The following CSMD1 variants were observed in gnomAD, a reference collection of about 807,000 sequenced individuals.
CSMD1 encodes CUB and sushi domain-containing protein 1.
A neutral mutation model predicts 417.5 loss-of-function variants in CSMD1; 213 were observed. That is an observed-to-expected ratio of 0.51 (90% CI 0.46 to 0.57). The LOEUF (loss-of-function observed/expected upper bound fraction) is 0.57. Among genes scored for constraint, CSMD1 ranks in the 20% least tolerant of loss-of-function variants. The pLI, the probability that CSMD1 is intolerant of heterozygous loss-of-function variation, is 0.00. For synonymous variants in CSMD1, 2,862 were observed against 1,736.8 expected, an observed-to-expected ratio of 1.65 and a Z score of -16.11; for missense variants, 6,923 against 4,529.7, an observed-to-expected ratio of 1.53 and a Z score of -15.17.
Position 4,031,937 on chromosome 8 carries a change from G to C in CSMD1, c.578C>G (p.Ala193Gly). The C allele has an allele frequency of 6.2e-7, 1 of 1,613,856 alleles. No homozygotes were observed. The highest frequency in any genetic ancestry group is 1.3e-5 in the African/African-American group (1 of 75,022). ...LTCIVSPGNG[A>G]SWDFPAPFCR... is the part of the protein sequence containing the mutation. ...AAAGGGAGCTGGGAAGTCCCACGAT[G>C]CACCATTTCCTGGGCTGACGATGCA... Residue 193 changes from alanine (A) to glycine (G), a missense_variant, in exon 4 of 70, where the codon GCA becomes GGA. Coordinates refer to ENST00000635120, the MANE Select transcript of CSMD1 (RefSeq NM_033225.6).
intron 7 of CSMD1, among the ~76,000 whole-genome samples, chr8:3,621,633 C>A (rs1796246877): frequency 6.6e-6 from 1 of 151,918 alleles, no homozygotes; most frequent in African/African-American, 2.4e-5. Context: ...TGTTCTGTTG[C>A]CCAGGCTGCA....
intron 1 of CSMD1, among the ~76,000 whole-genome samples, chr8:4,960,058 G>A (rs1213790376): frequency 6.6e-6 from 1 of 152,126 alleles, no homozygotes; most frequent in Non-Finnish European, 1.5e-5. Flanking sequence ...TCAGAACAGT[G>A]CCTTACCACC....
At chr8:4,746,111 T>TA (rs1810934805) in intron 1 of CSMD1, among the ~76,000 whole-genome samples, 1 of 152,218 alleles carries the variant, frequency 6.6e-6, no homozygotes, top group Non-Finnish European at 1.5e-5. Context: ...CTTGTGCTCC[T>TA]CCTGCTGTTA....
chr8:3,158,114 T>C, intron 38 of CSMD1, 148 bp from the exon 39 acceptor site: 1 of 646,664 alleles, frequency 1.5e-6, no homozygotes, highest in South Asian at 2.0e-5. Context: ...TTTTTAGTAA[T>C]GATTATTAGT....
intron 17 of CSMD1, among the ~76,000 whole-genome samples, chr8:3,390,769 T>C (rs1015694410): frequency 1.3e-5 from 2 of 152,008 alleles, no homozygotes; most frequent in Admixed American, 1.3e-4. Context: ...CATACGGAGG[T>C]ACATTTGATA....
intron 2 of CSMD1, among the ~76,000 whole-genome samples, chr8:4,611,550 A>G (rs1328311775): frequency 1.3e-5 from 2 of 152,178 alleles, no homozygotes; most frequent in Admixed American, 6.5e-5. Context: ...TGTATTGCCA[A>G]ATTGCCTTCC....
intron 1 of CSMD1, among the ~76,000 whole-genome samples, chr8:4,694,727 G>A (rs1222580769): frequency 6.6e-6 from 1 of 152,062 alleles, no homozygotes; most frequent in Non-Finnish European, 1.5e-5. Flanking sequence ...ACGTCAAGCT[G>A]TGCCCAACCA....
intron 61 of CSMD1, among the ~76,000 whole-genome samples, chr8:2,962,098 C>G (rs1273038320): frequency 1.3e-5 from 2 of 152,090 alleles, no homozygotes; most frequent in African/African-American, 4.8e-5. Context: ...GACTCTGCAG[C>G]AATAAAACAA....
chr8:3,071,463 G>C (rs1813318999), intron 49 of CSMD1, among the ~76,000 whole-genome samples: 1 of 151,942 alleles, frequency 6.6e-6, no homozygotes, highest in Non-Finnish European at 1.5e-5. Context: ...GCACATGTAT[G>C]CCTATGTAAC....
rs1296341689 is a variant in CSMD1, at chr8:3,290,272, C to G, written c.3951-5926G>C. Among the ~76,000 whole-genome samples the G allele has an allele frequency of 3.4e-5, 5 of 147,208 alleles. No homozygotes were observed. In the South Asian group the frequency reaches 1.0e-3, roughly 31 times the overall value. On this transcript the variant is annotated intron_variant, in intron 25 of 69. Coordinates refer to ENST00000635120, the MANE Select transcript of CSMD1 (RefSeq NM_033225.6). ...AAGTCAGGTAGCGTGATGCCTCCAG[C>G]TTTGTTCTTTTGGCTTAGGATTGAC...
intron 25 of CSMD1, among the ~76,000 whole-genome samples, chr8:3,286,111 A>C (rs1803135766): frequency 1.3e-5 from 2 of 152,052 alleles, no homozygotes; most frequent in African/African-American, 4.8e-5. Context: ...TTTGCTGAGA[A>C]TCATGGTTTC....
At chr8:4,251,899 G>C (rs1803108194) in intron 3 of CSMD1, among the ~76,000 whole-genome samples, 1 of 150,844 alleles carries the variant, frequency 6.6e-6, no homozygotes, top group Non-Finnish European at 1.5e-5. Context: ...GGAGGGGAGG[G>C]GAGGGGAGGA....
intron 3 of CSMD1, among the ~76,000 whole-genome samples, chr8:4,209,753 G>C (rs1800197592): frequency 6.6e-6 from 1 of 152,154 alleles, no homozygotes; most frequent in Non-Finnish European, 1.5e-5. Context: ...TAGCACAGCA[G>C]GACTACACCA....
At chr8:4,233,248 G>C (rs1000165860) in intron 3 of CSMD1, among the ~76,000 whole-genome samples, 1 of 152,108 alleles carries the variant, frequency 6.6e-6, no homozygotes, top group African/African-American at 2.4e-5. Flanking sequence ...TGTTGTGACA[G>C]GGAAGATCAG....
At chr8:4,643,688 T>A (rs1034523752) in intron 1 of CSMD1, among the ~76,000 whole-genome samples, 3 of 152,232 alleles carry the variant, frequency 2.0e-5, no homozygotes, top group Middle Eastern at 3.2e-3. Context: ...CCTGATCAGA[T>A]AAGCGCTGTT....
At chr8:3,677,216 G>T (rs537778085) in intron 7 of CSMD1, among the ~76,000 whole-genome samples, 51 of 152,088 alleles carry the variant, frequency 3.4e-4, no homozygotes, top group African/African-American at 1.1e-3. Context: ...ATACACACAA[G>T]GAAAACACCG....
At chr8:4,910,270 G>C (rs905399736) in intron 1 of CSMD1, among the ~76,000 whole-genome samples, 7 of 152,290 alleles carry the variant, frequency 4.6e-5, no homozygotes, top group Admixed American at 3.9e-4. Context: ...TCTCATCACA[G>C]TGAACAGTCA....
intron 1 of CSMD1, among the ~76,000 whole-genome samples, chr8:4,981,918 C>T (rs1440413463): frequency 6.6e-6 from 1 of 152,146 alleles, no homozygotes. Context: ...CACTCCTAAC[C>T]TGGTTTGAGC....
At chr8:4,805,762 A>C (rs1798552191) in intron 1 of CSMD1, among the ~76,000 whole-genome samples, 1 of 152,166 alleles carries the variant, frequency 6.6e-6, no homozygotes, top group African/African-American at 2.4e-5. Context: ...TATTCCATTA[A>C]TGAATACAGG....
Sources: gnomAD v4.1 joint callset for allele counts (sites outside exome capture counted in the v4.1 genomes callset) on GRCh38, gnomAD v4.1.1 for gene constraint, MANE v1.5 for transcripts, NCBI Gene and HGNC (gene_info 2026-07-23, HGNC 2026-07-21) for gene names.